SCGB2A1: variants seen among roughly 807,000 people sequenced by gnomAD.
SCGB2A1 encodes secretoglobin family 2A member 1, also known as mammaglobin-B.
In SCGB2A1, 6 loss-of-function variants were observed where a neutral mutation model predicts 9.2. The observed-to-expected ratio is 0.66, with a 90% CI of 0.36 to 1.29. SCGB2A1 has a LOEUF of 1.29. Ranked by LOEUF, SCGB2A1 falls within the 50% of genes most tolerant of loss-of-function variation. SCGB2A1 has a pLI of 0.03. For synonymous variants in SCGB2A1, 37 were observed against 41.0 expected, an observed-to-expected ratio of 0.90 and a Z score of 0.37; for missense variants, 138 against 116.9, an observed-to-expected ratio of 1.18 and a Z score of -0.83.
At chr11:62,211,910 G>A (rs756635300) in intron 2 of SCGB2A1, among the ~76,000 whole-genome samples, 1 of 152,008 alleles carries the variant, frequency 6.6e-6, no homozygotes, top group Non-Finnish European at 1.5e-5. Context: ...TGTTGGTTAC[G>A]AGTTTTGTTT....
intron 2 of SCGB2A1, among the ~76,000 whole-genome samples, chr11:62,211,892 T>C (rs1255380617): frequency 6.6e-6 from 1 of 152,178 alleles, no homozygotes; most frequent in African/African-American, 2.4e-5. Context: ...TGTCTGTTTA[T>C]AAAGATGTGT....
rs142062632 is a variant in SCGB2A1 at position 62,211,240 on chromosome 11, T to C, written c.243+640T>C. Among the ~76,000 whole-genome samples, 23 of 152,086 alleles carry C rather than the reference T, an allele frequency of 1.5e-4. 1 individual carries two copies. The East Asian group carries it at 3.5e-3, about 23-fold the overall frequency. ...CACCCAGCCAGAACATGCACATTTT[T>C]ATCAAGAGAAAATATCTGGTTCTCA... On this transcript the variant is annotated intron_variant, in intron 2 of 2. Coordinates refer to ENST00000244930, the MANE Select transcript of SCGB2A1 (RefSeq NM_002407.3).
chr11:62,211,934 T>C (rs1230731268), intron 2 of SCGB2A1, among the ~76,000 whole-genome samples: 2 of 152,144 alleles, frequency 1.3e-5, no homozygotes, highest in African/African-American at 2.4e-5. Context: ...GTTTTTCGTT[T>C]TTTTCGAGAT....
intron 1 of SCGB2A1, 141 bp from the exon 2 acceptor site, chr11:62,210,272 C>A: frequency 9.8e-7 from 1 of 1,018,980 alleles, no homozygotes. Flanking sequence ...ACTCTGCATA[C>A]TGCACCAAAA....
chr11:62,209,549 A>G (rs938682857), intron 1 of SCGB2A1, among the ~76,000 whole-genome samples: 1 of 152,172 alleles, frequency 6.6e-6, no homozygotes, highest in Non-Finnish European at 1.5e-5. Flanking sequence ...ACCAGCTCAC[A>G]TGAAGCCACG....
At chr11:62,210,747 C>T in intron 2 of SCGB2A1, 147 bp downstream of exon 2, 1 of 592,766 alleles carries the variant, frequency 1.7e-6, no homozygotes, top group South Asian at 3.1e-5. Flanking sequence ...GGCTGCTTTG[C>T]CACTTCACAT....
chr11:62,209,407 T>C (rs536336733), intron 1 of SCGB2A1, among the ~76,000 whole-genome samples: 1 of 152,270 alleles, frequency 6.6e-6, no homozygotes, highest in Admixed American at 6.5e-5. Flanking sequence ...TTTCCATAGG[T>C]AGCCTGCCTT....
At chr11:62,213,091 C>CACACATATAT (rs57411910) in intron 2 of SCGB2A1, among the ~76,000 whole-genome samples, 4 of 13,856 alleles carry the variant, frequency 2.9e-4, no homozygotes, top group Non-Finnish European at 6.2e-4. Flanking sequence ...CATATATACA[C>CACACATATAT]ATATATATAT....
At chr11:62,213,356 G>A (rs1944854313) in intron 2 of SCGB2A1, 1 of 175,488 alleles carries the variant, frequency 5.7e-6, no homozygotes, top group African/African-American at 2.4e-5. Context: ...TCTGAGCTGA[G>A]ATTTTTTAAT....
intron 2 of SCGB2A1, among the ~76,000 whole-genome samples, chr11:62,213,117 T>TTTTTG (rs1944852408): frequency 6.9e-6 from 1 of 145,444 alleles, no homozygotes; most frequent in East Asian, 2.0e-4. Context: ...TTTTTTTTTT[T>TTTTTG]GTAGAGATGG....
Position 62,210,469 on chromosome 11 carries a change from T to A in SCGB2A1, c.112T>A (p.Ser38Thr). 1 of 1,584,582 alleles carries A rather than the reference T, an allele frequency of 6.3e-7. No individual in the cohort carries two copies. Among genetic ancestry groups the A allele is most frequent in the South Asian group, 1.2e-5 (1 of 83,926 alleles). Reference protein sequence around the residue: ...MVEKTINSDISIPEYKELLQE... With the variant: ...MVEKTINSDITIPEYKELLQE... ...TGAAAAGACCATCAATTCCGACATATCTATACCTGAATACAAAGAGCTTCT... is the reference window on the plus strand; with the variant it reads ...TGAAAAGACCATCAATTCCGACATAACTATACCTGAATACAAAGAGCTTCT... Residue 38 changes from serine (S) to threonine (T), a missense_variant, in exon 2 of 3, where the codon TCT becomes ACT. Transcript: ENST00000244930.
intron 2 of SCGB2A1, among the ~76,000 whole-genome samples, chr11:62,210,902 C>T (rs537758141): frequency 1.1e-3 from 170 of 150,204 alleles, no homozygotes; most frequent in African/African-American, 4.1e-3. Flanking sequence ...CACACACAGA[C>T]ACACGGGGAC....
In SCGB2A1 at chr11:62,210,407, TTCC is replaced by T; in HGVS notation, c.56-5_56-3del. On this transcript the variant is annotated splice_polypyrimidine_tract_variant and splice_region_variant and intron_variant, in intron 1 of 2. Transcript: ENST00000244930. ...GTGTCTTTTTTTTTTTTTTTTTTTT[TTCC>T]AGATTCTGGCTGCAAACTCCTGGAG... The T allele has an allele frequency of 2.0e-6, 3 of 1,507,830 alleles. No homozygotes were observed. Among genetic ancestry groups the T allele is most frequent in the African/African-American group, 1.5e-5 (1 of 67,134 alleles). The allele number at this position is 1,507,830 out of a possible 1,614,324, so 93.4% of individuals were successfully genotyped here.
chr11:62,210,610 G>T lies in SCGB2A1; in HGVS notation c.243+10G>T. The T allele has an allele frequency of 6.6e-7, 1 of 1,526,018 alleles. No homozygotes were observed. Among genetic ancestry groups the T allele is most frequent in the East Asian group, 2.4e-5 (1 of 41,082 alleles). 94.5% of individuals were successfully genotyped at this position (1,526,018 alleles called of 1,614,324 possible). A position where few individuals can be genotyped will look rare whatever the true frequency, so the allele number is the denominator to read the frequency against. On this transcript the variant is annotated intron_variant, in intron 2 of 2. Transcript: ENST00000244930. Reference sequence around the variant, plus strand: ...CTTTGGACTGATGATGGTAATTTGGGTTTCTTCTTATGTACCCTTTGAAAA... The same window carrying T: ...CTTTGGACTGATGATGGTAATTTGGTTTTCTTCTTATGTACCCTTTGAAAA...
rs182370055 is a variant in SCGB2A1 at position 62,209,139 on chromosome 11, C to A, written c.55+353C>A. Among the ~76,000 whole-genome samples the A allele has an allele frequency of 1.4e-4, 22 of 152,280 alleles. No individual in the cohort carries two copies. The East Asian group carries it at 2.1e-3, about 15-fold the overall frequency. On this transcript the variant is annotated intron_variant, in intron 1 of 2. Coordinates refer to ENST00000244930, the MANE Select transcript of SCGB2A1 (RefSeq NM_002407.3). ...TAGAAATCAGGAAATAATCATGGGTCTCCTTGAATATGGAACGAAATAGGA... is the reference window on the plus strand; with the variant it reads ...TAGAAATCAGGAAATAATCATGGGTATCCTTGAATATGGAACGAAATAGGA...
At chr11:62,213,106 A>ATCTATAT (rs67975205) in intron 2 of SCGB2A1, among the ~76,000 whole-genome samples, 1 of 116,252 alleles carries the variant, frequency 8.6e-6, no homozygotes, top group African/African-American at 3.4e-5. Flanking sequence ...ATATATATAT[A>ATCTATAT]TTTTTTTTTT....
At chr11:62,213,065 TATATACATATATACAC>T (rs1565121516) in intron 2 of SCGB2A1, among the ~76,000 whole-genome samples, 14 of 109,536 alleles carry the variant, frequency 1.3e-4, no homozygotes, top group Non-Finnish European at 1.1e-4. Context: ...TATATACACA[TATATACATATATACAC>T]ATATATACAC....
intron 2 of SCGB2A1, among the ~76,000 whole-genome samples, chr11:62,213,012 GCACATATATACATATATACA>G (rs1436188336): frequency 6.5e-5 from 9 of 139,038 alleles, no homozygotes; most frequent in African/African-American, 2.2e-4. Context: ...ACACATATAT[GCACATATATACATATATACA>G]CACATATATA....
At chr11:62,212,913 T>TATACACACACACACAC (rs1312379963) in intron 2 of SCGB2A1, among the ~76,000 whole-genome samples, 4 of 148,234 alleles carry the variant, frequency 2.7e-5, no homozygotes, top group African/African-American at 5.1e-5. Context: ...TATATACATA[T>TATACACACACACACAC]ATATACACAC....
Sources: allele counts gnomAD v4.1 joint callset (sites outside exome capture counted in the v4.1 genomes callset), GRCh38; gene constraint gnomAD v4.1.1; transcripts MANE v1.5; gene names NCBI Gene and HGNC (gene_info 2026-07-23, HGNC 2026-07-21).